Variants in MYH10 observed in about 807,000 individuals in gnomAD.
MYH10 encodes myosin heavy chain 10.
Under a neutral mutation model 257.8 loss-of-function variants are expected in MYH10, and 55 were observed. The observed-to-expected ratio is 0.21, with a 90% CI of 0.17 to 0.27. The LOEUF is 0.27. MYH10 is among the 10% of genes least tolerant of loss of function. The pLI, the probability that MYH10 is intolerant of heterozygous loss-of-function variation, is 1.00. For synonymous variants in MYH10, 854 were observed against 921.7 expected, an observed-to-expected ratio of 0.93 and a Z score of 1.33; for missense variants, 1,631 against 2,500.6, an observed-to-expected ratio of 0.65 and a Z score of 7.42.
chr17:8,530,703 C>T lies in MYH10; in HGVS notation c.1895-18G>A. The T allele has an allele frequency of 6.5e-7, 1 of 1,536,490 alleles. No individual in the cohort carries two copies. Among genetic ancestry groups the T allele is most frequent in the Non-Finnish European group, 8.8e-7 (1 of 1,137,266 alleles). On this transcript the variant is annotated intron_variant, in intron 16 of 42. Transcript: ENST00000360416. Reference sequence around the variant, plus strand: ...CTGAATCTCTAAAGCAGAGAAACAGCAAAAACAGGACAGAAGAGCAAATAC... The same window carrying T: ...CTGAATCTCTAAAGCAGAGAAACAGTAAAAACAGGACAGAAGAGCAAATAC...
intron 3 of MYH10, among the ~76,000 whole-genome samples, chr17:8,596,898 T>C (rs954521864): frequency 3.9e-5 from 6 of 151,972 alleles, no homozygotes; most frequent in African/African-American, 1.5e-4. Flanking sequence ...CATAAATTAA[T>C]ACAACCAAGG....
intron 3 of MYH10, among the ~76,000 whole-genome samples, chr17:8,602,816 A>G (rs1464377825): frequency 6.6e-6 from 1 of 152,212 alleles, no homozygotes; most frequent in Non-Finnish European, 1.5e-5. Context: ...GTGCCTTGGT[A>G]AAATAGGGAT....
At position 8,585,288 on chromosome 17, in the gene MYH10, G is replaced by GTATA. The variant is rs71159599; in HGVS notation, c.530+3789_530+3792dup. Among the ~76,000 whole-genome samples the GTATA allele has an allele frequency of 6.9e-3, 688 of 99,328 alleles. 18 individuals are homozygous for GTATA. Among genetic ancestry groups the GTATA allele is most frequent in the African/African-American group, 0.024 (647 of 26,546 alleles). The allele number at this position is 99,328 out of a possible 152,430, so 65.2% of individuals were successfully genotyped here. On this transcript the variant is annotated intron_variant, in intron 4 of 42. Coordinates refer to ENST00000360416, the MANE Select transcript of MYH10 (RefSeq NM_001256012.3). ...TATATATATGTGCATGTGTGTGTGT[G>GTATA]TATATATATATATATATAGCTACAT...
chr17:8,593,321 A>G lies in MYH10; in HGVS notation c.503-4213T>C, dbSNP rs575267602. ...TCACCACTCCTATTCAACGCTACAAAGTAAGAAAACAAAATCCAAAGCATA... is the reference window on the plus strand; with the variant it reads ...TCACCACTCCTATTCAACGCTACAAGGTAAGAAAACAAAATCCAAAGCATA... On this transcript the variant is annotated intron_variant, in intron 3 of 42. Transcript: ENST00000360416. Among the ~76,000 whole-genome samples the G allele has an allele frequency of 2.6e-5, 4 of 152,184 alleles. No individual in the cohort carries two copies. The East Asian group carries it at 7.8e-4, about 30-fold the overall frequency.
chr17:8,520,028 T>C (rs1181790128), intron 19 of MYH10, among the ~76,000 whole-genome samples: 2 of 152,232 alleles, frequency 1.3e-5, no homozygotes, highest in East Asian at 1.9e-4. Context: ...TGTATACACA[T>C]ACATTGGAAA....
chr17:8,502,530 G>A (rs2080929582), intron 28 of MYH10, among the ~76,000 whole-genome samples: 1 of 149,122 alleles, frequency 6.7e-6, no homozygotes, highest in Non-Finnish European at 1.5e-5. Flanking sequence ...TAAATCCAGT[G>A]GTCAAAGGAA....
In MYH10 at chr17:8,513,977, C is replaced by T. The variant is rs563559352; in HGVS notation, c.2505-83G>A. ...GTCATAAGAAGCCTTTCTAAAGGCCCGTGTTCTTCTTTGTCTAGGATAGGG... is the reference window on the plus strand; with the variant it reads ...GTCATAAGAAGCCTTTCTAAAGGCCTGTGTTCTTCTTTGTCTAGGATAGGG... On this transcript the variant is annotated intron_variant, in intron 21 of 42. Transcript: ENST00000360416. 2,057 of 1,165,272 alleles carry T rather than the reference C, an allele frequency of 1.8e-3. 4 individuals carry two copies. Among genetic ancestry groups the T allele is most frequent in the Non-Finnish European group, 2.2e-3 (1,749 of 810,972 alleles). The allele number at this position is 1,165,272 out of a possible 1,614,324, so 72.2% of individuals were successfully genotyped here.
chr17:8,537,481 C>T (rs2082174350), intron 14 of MYH10, among the ~76,000 whole-genome samples: 1 of 152,166 alleles, frequency 6.6e-6, no homozygotes, highest in South Asian at 2.1e-4. Context: ...CCCCAGGGCT[C>T]CTCCACCTGA....
In MYH10 at chr17:8,504,684, C is replaced by G; in HGVS notation, c.3599+10G>C. 1 of 1,613,070 alleles carries G rather than the reference C, an allele frequency of 6.2e-7. No individual in the cohort carries two copies. Among genetic ancestry groups the G allele is most frequent in the Non-Finnish European group, 8.5e-7 (1 of 1,179,702 alleles). On this transcript the variant is annotated intron_variant, in intron 28 of 42. Transcript: ENST00000360416. The surrounding 1 kb of genome is among the most constrained non-coding windows in gnomAD (Gnocchi z 5.6). Reference sequence around the variant, plus strand: ...AGGCGCCCGGGCCCTGCTTCCTCTCCCACACTCACCGTAGTTCCTGCTGGG... The same window carrying G: ...AGGCGCCCGGGCCCTGCTTCCTCTCGCACACTCACCGTAGTTCCTGCTGGG...
intron 16 of MYH10, among the ~76,000 whole-genome samples, chr17:8,531,629 G>T (rs548978132): frequency 6.6e-6 from 1 of 150,496 alleles, no homozygotes; most frequent in Non-Finnish European, 1.5e-5. Flanking sequence ...GGGGTCAAGC[G>T]ATCCTTCTGC....
intron 21 of MYH10, among the ~76,000 whole-genome samples, chr17:8,518,025 C>CATGTGTGTGTGT (rs2081525012): frequency 1.6e-5 from 2 of 123,628 alleles, no homozygotes; most frequent in East Asian, 2.4e-4. Context: ...CCCTTGGCCC[C>CATGTGTGTGTGT]GTGTGTGTGT....
In MYH10 at chr17:8,477,373, T is replaced by C. The variant is rs1426428685; in HGVS notation, c.5707-325A>G. On this transcript the variant is annotated intron_variant, in intron 41 of 42. Transcript: ENST00000360416. The surrounding 1 kb of genome is among the most constrained non-coding windows in gnomAD (Gnocchi z 4.2). ...ACCTAGGGGACTGAAAGGGAATTGCTATTCTTGCAAAACGTGGAAGAACCA... is the reference window on the plus strand; with the variant it reads ...ACCTAGGGGACTGAAAGGGAATTGCCATTCTTGCAAAACGTGGAAGAACCA... Among the ~76,000 whole-genome samples the C allele has an allele frequency of 6.6e-6, 1 of 152,186 alleles. No homozygotes were observed. Among genetic ancestry groups the C allele is most frequent in the Non-Finnish European group, 1.5e-5 (1 of 68,030 alleles).
Position 8,546,033 on chromosome 17 carries a change from A to T in MYH10, c.1279-433T>A, listed in dbSNP as rs1245545810. Among the ~76,000 whole-genome samples, 14 of 151,924 alleles carry T rather than the reference A, an allele frequency of 9.2e-5. No homozygotes were observed. In the East Asian group the frequency reaches 2.7e-3, roughly 29 times the overall value. ...AACTAGAGATTATAATTTGACATTT[A>T]CTTTTTTTAAAAAATCACCTTTAAA... On this transcript the variant is annotated intron_variant, in intron 12 of 42. Coordinates refer to ENST00000360416, the MANE Select transcript of MYH10 (RefSeq NM_001256012.3).
chr17:8,612,899 ACAT>A (rs2085100064), intron 2 of MYH10, among the ~76,000 whole-genome samples: 1 of 152,154 alleles, frequency 6.6e-6, no homozygotes, highest in South Asian at 2.1e-4. Context: ...ATAGGAAAAA[ACAT>A]CATATATATA....
At chr17:8,554,109 G>A in intron 7 of MYH10, 91 bp from the exon 8 acceptor site, 2 of 873,156 alleles carry the variant, frequency 2.3e-6, no homozygotes, top group East Asian at 5.0e-5. Context: ...AAGTATCCAT[G>A]AATTAGTTAC....
rs547536607 is a variant in MYH10, at chr17:8,487,322, C to G, written c.5046+111G>C. 4.2e-4 allele frequency: 555 copies of G among 1,323,108 alleles called. 4 individuals carry two copies. Among genetic ancestry groups the G allele is most frequent in the South Asian group, 3.4e-3 (261 of 77,638 alleles). 82.0% of individuals were successfully genotyped at this position (1,323,108 alleles called of 1,614,324 possible). A position where few individuals can be genotyped will look rare whatever the true frequency, so the allele number is the denominator to read the frequency against. ...TCTTTATGGCCTGCTGCCCCACCCCCGGCCACGCTGACAGCGGTGCTGTGC... is the reference window on the plus strand; with the variant it reads ...TCTTTATGGCCTGCTGCCCCACCCCGGGCCACGCTGACAGCGGTGCTGTGC... On this transcript the variant is annotated intron_variant, in intron 36 of 42. Coordinates refer to ENST00000360416, the MANE Select transcript of MYH10 (RefSeq NM_001256012.3).
chr17:8,584,865 C>T (rs1010592960), intron 4 of MYH10, among the ~76,000 whole-genome samples: 3 of 151,992 alleles, frequency 2.0e-5, no homozygotes, highest in African/African-American at 4.8e-5. Flanking sequence ...TATTTTGAGA[C>T]GGAGTTTCGC....
At chr17:8,510,009 G>A in intron 24 of MYH10, 60 bp from the exon 25 acceptor site, 8 of 1,527,172 alleles carry the variant, frequency 5.2e-6, no homozygotes, top group Non-Finnish European at 6.2e-6. Context: ...CACATTCATT[G>A]TGCACAGGAA....
At chr17:8,558,111 G>A (rs2082868270) in intron 7 of MYH10, among the ~76,000 whole-genome samples, 1 of 152,150 alleles carries the variant, frequency 6.6e-6, no homozygotes, top group South Asian at 2.1e-4. Flanking sequence ...AGTTAGTTTT[G>A]TTTTATGGTG....
Sources: allele counts gnomAD v4.1 joint callset (sites outside exome capture counted in the v4.1 genomes callset), GRCh38; gene constraint gnomAD v4.1.1; non-coding constraint Gnocchi (gnomAD v3.1); transcripts MANE v1.5; gene names NCBI Gene and HGNC (gene_info 2026-07-23, HGNC 2026-07-21).